SH3RF1: variants seen among roughly 807,000 people sequenced by gnomAD.
The protein encoded by SH3RF1 is SH3 domain containing ring finger 1, also known as E3 ubiquitin-protein ligase SH3RF1.
Under a neutral mutation model 74.0 loss-of-function variants are expected in SH3RF1, and 32 were observed. The observed-to-expected ratio is 0.43, with a 90% CI of 0.33 to 0.58. The LOEUF (loss-of-function observed/expected upper bound fraction) is 0.58. Ranked by LOEUF, SH3RF1 falls within the 20% of genes least tolerant of loss-of-function variation. SH3RF1 has a pLI of 0.05. For synonymous variants in SH3RF1, 396 were observed against 439.6 expected (o/e 0.90, Z 1.24); for missense variants, 954 against 1,130.9 (o/e 0.84, Z 2.24).
intron 6 of SH3RF1, among the ~76,000 whole-genome samples, chr4:169,123,009 T>C (rs983099634): frequency 6.6e-6 from 1 of 152,152 alleles, no homozygotes; most frequent in East Asian, 1.9e-4. Flanking sequence ...GATAATTCTT[T>C]AGGGTCTGTA....
At chr4:169,129,977 G>T in intron 6 of SH3RF1, 69 bp downstream of exon 6, 1 of 1,210,958 alleles carries the variant, frequency 8.3e-7, no homozygotes, top group Non-Finnish European at 1.2e-6. Flanking sequence ...GTGTTAGGAG[G>T]TGGAGTGTGC....
intron 2 of SH3RF1, among the ~76,000 whole-genome samples, chr4:169,241,903 G>A (rs1207757052): frequency 5.9e-5 from 9 of 152,004 alleles, no homozygotes; most frequent in Admixed American, 5.2e-4. Context: ...AGACTTGCTC[G>A]TAGTTAAACA....
intron 2 of SH3RF1, among the ~76,000 whole-genome samples, chr4:169,164,617 A>G (rs984661009): frequency 1.3e-5 from 2 of 152,174 alleles, no homozygotes; most frequent in African/African-American, 4.8e-5. Context: ...CTAAGGTGCT[A>G]CAGAAAAACC....
intron 10 of SH3RF1, among the ~76,000 whole-genome samples, chr4:169,113,763 G>A (rs1733284013): frequency 6.6e-6 from 1 of 152,210 alleles, no homozygotes; most frequent in South Asian, 2.1e-4. Context: ...AGTCTCTTTA[G>A]TGGACTTGGA....
At chr4:169,183,880 C>G (rs1734557019) in intron 2 of SH3RF1, among the ~76,000 whole-genome samples, 1 of 152,028 alleles carries the variant, frequency 6.6e-6, no homozygotes, top group Non-Finnish European at 1.5e-5. Flanking sequence ...AGGAAAGAGA[C>G]TTTTTATTTC....
At chr4:169,228,964 A>G (rs1561058763) in intron 2 of SH3RF1, among the ~76,000 whole-genome samples, 1 of 152,202 alleles carries the variant, frequency 6.6e-6, no homozygotes, top group East Asian at 1.9e-4. Flanking sequence ...CAAACAAACA[A>G]ACAAACAAAT....
At position 169,155,571 on chromosome 4, in the gene SH3RF1, T is replaced by A; in HGVS notation, c.674A>T (p.Asp225Val). The A allele has an allele frequency of 6.2e-7, 1 of 1,611,590 alleles. No individual in the cohort carries two copies. Among genetic ancestry groups the A allele is most frequent in the Non-Finnish European group, 8.5e-7 (1 of 1,177,754 alleles). The change falls in exon 4 of 12, where the codon GAT (aspartate) becomes GTT (valine). Residue 225 changes from aspartate (D) to valine (V), a missense_variant. Around this residue, in one of 3 missense-constraint regions of SH3RF1, gnomAD observed 854 missense variants for 962.5 expected, o/e 0.89. Coordinates refer to ENST00000284637, the MANE Select transcript of SH3RF1 (RefSeq NM_020870.4). ...CACTCTTCGGATCACAGTCAGAACA[T>A]CATCCTGAAGAAACAGCAAATCATT... Reference protein sequence around the residue: ...DKDCLPFAKDDVLTVIRRVDE... With the variant: ...DKDCLPFAKDVVLTVIRRVDE...
At chr4:169,176,618 G>A (rs1734425947) in intron 2 of SH3RF1, among the ~76,000 whole-genome samples, 1 of 152,092 alleles carries the variant, frequency 6.6e-6, no homozygotes, top group Non-Finnish European at 1.5e-5. Context: ...TTGGCTCACT[G>A]CAACCTCAGT....
intron 2 of SH3RF1, among the ~76,000 whole-genome samples, chr4:169,252,613 A>G (rs532596780): frequency 6.6e-6 from 1 of 152,304 alleles, no homozygotes; most frequent in East Asian, 1.9e-4. Context: ...CTGTGAATCA[A>G]TTTTTGCCTC....
intron 3 of SH3RF1, among the ~76,000 whole-genome samples, chr4:169,155,949 C>T (rs537969771): frequency 1.3e-5 from 2 of 152,212 alleles, no homozygotes; most frequent in Non-Finnish European, 2.9e-5. Flanking sequence ...GTACATCCTA[C>T]CGCTTTTCTC....
At chr4:169,118,645 T>TG (rs1408297544) in intron 8 of SH3RF1, among the ~76,000 whole-genome samples, 16 of 152,018 alleles carry the variant, frequency 1.1e-4, no homozygotes, top group Admixed American at 6.5e-4. Flanking sequence ...TTAGTAGAGG[T>TG]GGGGTTTCAC....
At chr4:169,175,257 C>CTGT (rs1734400225) in intron 2 of SH3RF1, among the ~76,000 whole-genome samples, 1 of 152,216 alleles carries the variant, frequency 6.6e-6, no homozygotes, top group Non-Finnish European at 1.5e-5. Flanking sequence ...CCACTATTAA[C>CTGT]ACCCTAGCAC....
intron 10 of SH3RF1, among the ~76,000 whole-genome samples, chr4:169,113,239 T>C (rs922319989): frequency 2.0e-5 from 3 of 152,064 alleles, no homozygotes; most frequent in Non-Finnish European, 2.9e-5. Context: ...GCCTCCTGAG[T>C]AGCTGGGATT....
At chr4:169,207,419 C>T (rs944409231) in intron 2 of SH3RF1, among the ~76,000 whole-genome samples, 1 of 152,048 alleles carries the variant, frequency 6.6e-6, no homozygotes, top group African/African-American at 2.4e-5. Flanking sequence ...TGAGTGAGAC[C>T]CTGTCTCAAA....
intron 4 of SH3RF1, among the ~76,000 whole-genome samples, chr4:169,147,017 G>A (rs1733905330): frequency 6.6e-6 from 1 of 152,156 alleles, no homozygotes; most frequent in African/African-American, 2.4e-5. Context: ...TAAGTATAAA[G>A]AGGTACAAAT....
At position 169,116,493 on chromosome 4, in the gene SH3RF1, C is replaced by A; in HGVS notation, c.1915G>T (p.Gly639Cys). The change falls in exon 10 of 12, where the codon GGC becomes TGC. Residue 639 changes from glycine to cysteine, a missense_variant. Coordinates refer to ENST00000284637, the MANE Select transcript of SH3RF1 (RefSeq NM_020870.4). ...ASPQPAPLMPGSATHTAAISI... is the reference protein window; with the variant it reads ...ASPQPAPLMPCSATHTAAISI... ...ATGGCAGCAGTGTGCGTGGCTGAGC[C>A]TGGCATCAGAGGCGCAGGTTGTGGG... The A allele has an allele frequency of 2.5e-6, 4 of 1,613,562 alleles. No individual in the cohort carries two copies. The highest frequency in any genetic ancestry group is 3.4e-6 in the Non-Finnish European group (4 of 1,179,786).
chr4:169,191,139 A>C (rs779039330), intron 2 of SH3RF1, among the ~76,000 whole-genome samples: 10 of 152,260 alleles, frequency 6.6e-5, no homozygotes, highest in Non-Finnish European at 1.5e-4. Context: ...AAAAGTTGAA[A>C]TAATTCCCTC....
intron 2 of SH3RF1, among the ~76,000 whole-genome samples, chr4:169,173,603 GGC>G (rs1419690974): frequency 6.6e-6 from 1 of 152,152 alleles, no homozygotes; most frequent in African/African-American, 2.4e-5. Context: ...GTGATCCTGA[GGC>G]GCTGTAGATC....
chr4:169,101,657 T>G (rs2126934947), intron 11 of SH3RF1, among the ~76,000 whole-genome samples: 1 of 151,352 alleles, frequency 6.6e-6, no homozygotes, highest in East Asian at 1.9e-4. Flanking sequence ...AATAAAATTT[T>G]TTGTTTAAAA....
Sources: gnomAD v4.1 joint callset for allele counts (sites outside exome capture counted in the v4.1 genomes callset) on GRCh38, gnomAD v4.1.1 for gene constraint, gnomAD v4.1.1 regional missense constraint, MANE v1.5 for transcripts, NCBI Gene and HGNC (gene_info 2026-07-23, HGNC 2026-07-21) for gene names.